SGCD: variants seen among roughly 807,000 people sequenced by gnomAD.
SGCD encodes the protein sarcoglycan delta.
A neutral mutation model predicts 36.6 loss-of-function variants in SGCD; 18 were observed. The ratio of observed to expected loss-of-function variants is 0.49; its 90% CI spans 0.34 to 0.73. The LOEUF is 0.73. SGCD is among the 30% of genes least tolerant of loss of function. The probability of loss-of-function intolerance (pLI) is 0.01; values close to 1 mark genes in which losing one functional copy is unlikely to be tolerated. For synonymous variants in SGCD, 133 were observed against 130.6 expected (o/e 1.02, Z -0.12); for missense variants, 387 against 346.7 (o/e 1.12, Z -0.92).
intron 1 of SGCD, among the ~76,000 whole-genome samples, chr5:155,929,148 TTC>T (rs1444865643): frequency 1.8e-4 from 27 of 152,340 alleles, no homozygotes; most frequent in Admixed American, 1.6e-3. Context: ...GTGACTTTTT[TTC>T]TGTTTTTAAT....
intron 3 of SGCD, among the ~76,000 whole-genome samples, chr5:156,180,378 T>C (rs770807872): frequency 6.7e-6 from 1 of 148,782 alleles, no homozygotes; most frequent in African/African-American, 2.5e-5. Context: ...AAGCAATAAA[T>C]TAAAATAAAA....
At chr5:155,988,242 CA>C (rs1379188522) in intron 1 of SGCD, among the ~76,000 whole-genome samples, 1 of 152,054 alleles carries the variant, frequency 6.6e-6, no homozygotes, top group African/African-American at 2.4e-5. Flanking sequence ...GCTGTAACTC[CA>C]AACATCACAA....
intron 7 of SGCD, among the ~76,000 whole-genome samples, chr5:156,672,124 T>G (rs1373909752): frequency 6.6e-6 from 1 of 152,232 alleles, no homozygotes; most frequent in Non-Finnish European, 1.5e-5. Flanking sequence ...TGTCAGAATC[T>G]GTAGGTATTT....
exon 1 of SGCD, chr5:155,870,409 A>G (rs918173288): frequency 3.9e-5 from 6 of 152,210 alleles, no homozygotes; most frequent in African/African-American, 1.4e-4. Flanking sequence ...CTTCTTGAGC[A>G]TCGATGAATT....
the SGCD span, among the ~76,000 whole-genome samples, chr5:155,841,139 C>T: frequency 6.6e-6 from 1 of 151,850 alleles, no homozygotes; most frequent in Non-Finnish European, 1.5e-5. Flanking sequence ...TTCCCCTTTG[C>T]CCTCTGAAGG....
chr5:156,545,452 C>A (rs764246477), intron 4 of SGCD, among the ~76,000 whole-genome samples: 1 of 150,886 alleles, frequency 6.6e-6, no homozygotes. Flanking sequence ...TTGTGGAAGA[C>A]AATTTTTTCA....
At chr5:156,519,264 C>T (rs1757308177) in intron 4 of SGCD, among the ~76,000 whole-genome samples, 1 of 151,994 alleles carries the variant, frequency 6.6e-6, no homozygotes, top group Non-Finnish European at 1.5e-5. Context: ...ACACATACAC[C>T]CTTCCCAGAC....
At chr5:156,319,557 T>A (rs534854508) in intron 3 of SGCD, among the ~76,000 whole-genome samples, 3 of 152,196 alleles carry the variant, frequency 2.0e-5, no homozygotes, top group Admixed American at 2.0e-4. Context: ...AACCAGATAA[T>A]GCATCTTGAA....
intron 4 of SGCD, among the ~76,000 whole-genome samples, chr5:156,539,377 G>A (rs1026835183): frequency 2.6e-5 from 4 of 151,904 alleles, no homozygotes; most frequent in African/African-American, 9.7e-5. Context: ...AGTATACACA[G>A]TACCCAATAT....
chr5:156,163,121 C>T (rs1763122899), intron 3 of SGCD, among the ~76,000 whole-genome samples: 1 of 151,554 alleles, frequency 6.6e-6, no homozygotes, highest in African/African-American at 2.4e-5. Context: ...ATTGTTTTTT[C>T]TCCTTTCTCT....
intron 3 of SGCD, among the ~76,000 whole-genome samples, chr5:156,474,522 T>C (rs1035433027): frequency 6.6e-6 from 1 of 152,206 alleles, no homozygotes; most frequent in East Asian, 1.9e-4. Flanking sequence ...CAGGGAGCCC[T>C]GAACATGGGC....
intron 1 of SGCD, among the ~76,000 whole-genome samples, chr5:156,054,328 C>A (rs975139417): frequency 2.9e-5 from 4 of 136,000 alleles, no homozygotes; most frequent in African/African-American, 1.0e-4. Context: ...CTCTGTGGCC[C>A]AGGCTGGAGT....
chr5:155,848,016 T>C, the SGCD span, among the ~76,000 whole-genome samples: 1 of 152,206 alleles, frequency 6.6e-6, no homozygotes, highest in East Asian at 1.9e-4. Flanking sequence ...TCTTTATATT[T>C]CTAGCATTTG....
intron 1 of SGCD, among the ~76,000 whole-genome samples, chr5:156,006,078 T>C (rs1271421362): frequency 6.6e-6 from 1 of 152,230 alleles, no homozygotes; most frequent in Admixed American, 6.5e-5. Context: ...TATGAGAATA[T>C]GCAGTTTGTA....
chr5:155,844,441 G>GTGTGTGTGTGTGTT, the SGCD span, among the ~76,000 whole-genome samples: 1 of 151,814 alleles, frequency 6.6e-6, no homozygotes, highest in South Asian at 2.1e-4. Context: ...GTGTGTGTGT[G>GTGTGTGTGTGTGTT]TGTGTGTGTG....
chr5:156,646,127 G>A (rs550529797), intron 6 of SGCD, among the ~76,000 whole-genome samples: 2 of 152,218 alleles, frequency 1.3e-5, no homozygotes, highest in East Asian at 3.9e-4. Flanking sequence ...GGAACATATG[G>A]ACCCCCACTG....
At chr5:156,108,000 T>C (rs938427110) in intron 1 of SGCD, among the ~76,000 whole-genome samples, 4 of 152,184 alleles carry the variant, frequency 2.6e-5, no homozygotes, top group African/African-American at 7.2e-5. Context: ...TAGTTTCCAA[T>C]GCTTATCATA....
At chr5:156,450,636 C>T (rs1404583237) in intron 3 of SGCD, among the ~76,000 whole-genome samples, 6 of 151,534 alleles carry the variant, frequency 4.0e-5, no homozygotes, top group African/African-American at 1.5e-4. Flanking sequence ...AAACAGTATT[C>T]TAATTGTTTT....
chr5:155,823,584 G>T, the SGCD span, among the ~76,000 whole-genome samples: 1 of 152,120 alleles, frequency 6.6e-6, no homozygotes, highest in East Asian at 1.9e-4. Context: ...TTGGGAATCC[G>T]CCCATGAGCT....
Sources: gnomAD v4.1 joint callset for allele counts (sites outside exome capture counted in the v4.1 genomes callset) on GRCh38, gnomAD v4.1.1 for gene constraint, MANE v1.5 for transcripts, NCBI Gene and HGNC (gene_info 2026-07-23, HGNC 2026-07-21) for gene names.